The following KIAA0319L variants were observed in gnomAD, a reference collection of about 807,000 sequenced individuals.
KIAA0319L encodes KIAA0319 like.
Under a neutral mutation model 120.1 loss-of-function variants are expected in KIAA0319L, and 55 were observed. The ratio of observed to expected loss-of-function variants is 0.46; its 90% confidence interval spans 0.37 to 0.57. The LOEUF (loss-of-function observed/expected upper bound fraction) is 0.57. Among genes scored for constraint, KIAA0319L ranks in the 20% least tolerant of loss-of-function variants. The probability of loss-of-function intolerance (pLI) is 0.00; values close to 1 mark genes in which losing one functional copy is unlikely to be tolerated. For missense variants in KIAA0319L, 1,049 were observed against 1,255.3 expected (o/e 0.84, Z 2.48); for synonymous variants, 398 against 471.9 (o/e 0.84, Z 2.03).
At chr1:35,554,757 C>CTT (rs374790287) in intron 1 of KIAA0319L, 25 of 222,072 alleles carry the variant, frequency 1.1e-4, no homozygotes, top group South Asian at 3.3e-4. Flanking sequence ...CTTTATATTC[C>CTT]TTTTTTTTTT....
At chr1:35,547,406 A>T (rs1469318742) in intron 2 of KIAA0319L, among the ~76,000 whole-genome samples, 1 of 151,832 alleles carries the variant, frequency 6.6e-6, no homozygotes, top group African/African-American at 2.4e-5. Context: ...CAAGAAAATT[A>T]AAAACATATG....
At chr1:35,458,904 T>A (rs2149103089) in intron 9 of KIAA0319L, among the ~76,000 whole-genome samples, 1 of 151,904 alleles carries the variant, frequency 6.6e-6, no homozygotes, top group East Asian at 2.0e-4. Context: ...CTTGTTGTAC[T>A]GGCAGCTACT....
At position 35,465,954 on chromosome 1, in the gene KIAA0319L, C is replaced by T. The variant is rs149332392; in HGVS notation, c.1201+654G>A. ...TTCCACCATGATTGTGAGGCCTCCC[C>T]AGCCACGTGGAACTGTAAGTCCATT... On this transcript the variant is annotated intron_variant, in intron 7 of 20. Transcript: ENST00000325722. 6.9e-3 allele frequency among the ~76,000 whole-genome samples: 1,056 copies of T among 152,270 alleles called. 9 individuals are homozygous for T. Among genetic ancestry groups the T allele is most frequent in the African/African-American group, 0.024 (1,006 of 41,560 alleles).
rs538040344 is a variant in KIAA0319L, at chr1:35,535,609, T to C, written c.142+18741A>G. On this transcript the variant is annotated intron_variant, in intron 2 of 20. Transcript: ENST00000325722. ...TTAAAGATATAAAGGAGAAAATATATGCAAAGTACTTAACATGAGCCTGGC... is the reference window on the plus strand; with the variant it reads ...TTAAAGATATAAAGGAGAAAATATACGCAAAGTACTTAACATGAGCCTGGC... Among the ~76,000 whole-genome samples, 15 of 152,194 alleles carry C rather than the reference T, an allele frequency of 9.9e-5. 1 individual carries two copies. The South Asian group carries it at 1.4e-3, about 15-fold the overall frequency.
chr1:35,539,207 T>C (rs1646699848), intron 2 of KIAA0319L, among the ~76,000 whole-genome samples: 2 of 152,044 alleles, frequency 1.3e-5, no homozygotes, highest in African/African-American at 4.8e-5. Context: ...AACCCCCACA[T>C]GAAATACAAA....
At chr1:35,465,936 A>G (rs188408648) in intron 7 of KIAA0319L, among the ~76,000 whole-genome samples, 43 of 152,252 alleles carry the variant, frequency 2.8e-4, no homozygotes, top group Non-Finnish European at 5.9e-5. Context: ...GTCTTCCACC[A>G]TGATTGTGAG....
rs142124223 is a variant in KIAA0319L, at chr1:35,448,323, T to C, written c.2363A>G (p.Lys788Arg). The change falls in exon 16 of 21, where the codon AAA (lysine) becomes AGA (arginine). Residue 788 changes from lysine (K) to arginine (R), a missense_variant. Coordinates refer to ENST00000325722, the MANE Select transcript of KIAA0319L (RefSeq NM_024874.5). The stretch of plus-strand genomic sequence containing the variant: ...CAAGATGATCTCCACCAGGTTGTTT[T>C]TCCTGGGATCTGGAAAGCATGTGGA... ...TTVEVKPDPR[K>R]NNLVEIILDI... is the part of the protein sequence containing the mutation. 1.8e-4 allele frequency: 294 copies of C among 1,613,756 alleles called. 2 individuals carry two copies. The South Asian group carries it at 2.6e-3, about 14-fold the overall frequency.
chr1:35,542,910 A>G (rs1646844718), intron 2 of KIAA0319L, among the ~76,000 whole-genome samples: 1 of 152,228 alleles, frequency 6.6e-6, no homozygotes, highest in Non-Finnish European at 1.5e-5. Context: ...TAGTTTTTAA[A>G]TTGAGTTGGA....
At chr1:35,526,388 C>CATATATATAT (rs60847372) in intron 2 of KIAA0319L, among the ~76,000 whole-genome samples, 7 of 127,138 alleles carry the variant, frequency 5.5e-5, no homozygotes, top group African/African-American at 1.9e-4. Flanking sequence ...TATATACATA[C>CATATATATAT]ATATATATAT....
intron 3 of KIAA0319L, among the ~76,000 whole-genome samples, chr1:35,490,305 T>C (rs910627389): frequency 6.6e-6 from 1 of 152,198 alleles, no homozygotes; most frequent in Admixed American, 6.5e-5. Context: ...AACCCTAGAC[T>C]AAATGCAGCT....
At chr1:35,516,865 G>A (rs1293594009) in intron 2 of KIAA0319L, among the ~76,000 whole-genome samples, 1 of 152,012 alleles carries the variant, frequency 6.6e-6, no homozygotes, top group Non-Finnish European at 1.5e-5. Context: ...AGTTTCAGGA[G>A]ACAAAAATCA....
At chr1:35,542,864 T>A in intron 2 of KIAA0319L, among the ~76,000 whole-genome samples, 1 of 152,244 alleles carries the variant, frequency 6.6e-6, no homozygotes, top group East Asian at 1.9e-4. Context: ...TATTATTTCC[T>A]CCCTTAAGGA....
At chr1:35,512,325 T>A in intron 2 of KIAA0319L, among the ~76,000 whole-genome samples, 1 of 29,452 alleles carries the variant, frequency 3.4e-5, no homozygotes, top group African/African-American at 1.6e-4. Flanking sequence ...AAGCCAAACT[T>A]TGACCAAAAA....
rs375670791 is a variant in KIAA0319L at position 35,434,850 on chromosome 1, C to A, written c.*44G>T. The A allele has an allele frequency of 8.8e-5, 136 of 1,541,048 alleles. No individual in the cohort carries two copies. In the African/African-American group the frequency reaches 1.8e-3, roughly 20 times the overall value. Reference sequence around the variant, plus strand: ...AGACTCGGGAGGTAGGAGGACTGGCCGGGCAGTGTGCTGGGCCCTGCCCTG... The same window carrying A: ...AGACTCGGGAGGTAGGAGGACTGGCAGGGCAGTGTGCTGGGCCCTGCCCTG... On this transcript the variant is annotated 3_prime_UTR_variant, in exon 21 of 21. Coordinates refer to ENST00000325722, the MANE Select transcript of KIAA0319L (RefSeq NM_024874.5).
chr1:35,490,297 C>A (rs1447926218), intron 3 of KIAA0319L, among the ~76,000 whole-genome samples: 1 of 152,160 alleles, frequency 6.6e-6, no homozygotes, highest in Non-Finnish European at 1.5e-5. Context: ...GAAAAATTAA[C>A]CCTAGACTAA....
chr1:35,549,029 G>A (rs981696608), intron 2 of KIAA0319L, among the ~76,000 whole-genome samples: 1 of 151,674 alleles, frequency 6.6e-6, no homozygotes, highest in African/African-American at 2.4e-5. Flanking sequence ...TACGGTTCCA[G>A]TAGCACTCTG....
rs868651876 is a variant in KIAA0319L at position 35,437,885 on chromosome 1, C to A, written c.2963-2804G>T. On this transcript the variant is annotated intron_variant, in intron 20 of 20. Coordinates refer to ENST00000325722, the MANE Select transcript of KIAA0319L (RefSeq NM_024874.5). The surrounding 1 kb of genome is among the most constrained non-coding windows in gnomAD (Gnocchi z 4.1). ...TTCATCTTCTCTTACCCAGTCACTG[C>A]ATCAGAGGTTCTGATTCTGTCAACA... 9.9e-5 allele frequency among the ~76,000 whole-genome samples: 15 copies of A among 152,170 alleles called. No individual in the cohort carries two copies. The highest frequency in any genetic ancestry group is 2.9e-5 in the Non-Finnish European group (2 of 68,040).
At chr1:35,539,863 G>C (rs549957809) in intron 2 of KIAA0319L, among the ~76,000 whole-genome samples, 5 of 152,286 alleles carry the variant, frequency 3.3e-5, no homozygotes, top group African/African-American at 1.2e-4. Context: ...CTCTTGAAAT[G>C]GTGAACTTGA....
chr1:35,533,502 C>T (rs908452992), intron 2 of KIAA0319L: 5 of 152,056 alleles, frequency 3.3e-5, no homozygotes, highest in Non-Finnish European at 5.9e-5. Context: ...TAATATTTAC[C>T]GTCATTGAAG....
Sources: allele counts gnomAD v4.1 joint callset (sites outside exome capture counted in the v4.1 genomes callset), GRCh38; gene constraint gnomAD v4.1.1; non-coding constraint Gnocchi (gnomAD v3.1); transcripts MANE v1.5; gene names NCBI Gene and HGNC (gene_info 2026-07-23, HGNC 2026-07-21).